GLRA2: variants seen among roughly 807,000 people sequenced by gnomAD.
GLRA2 encodes glycine receptor subunit alpha-2.
In GLRA2, 11 loss-of-function variants were observed where a neutral mutation model predicts 31.6. The ratio of observed to expected loss-of-function variants is 0.35; its 90% CI spans 0.22 to 0.58. The LOEUF is 0.58. Ranked by LOEUF, GLRA2 falls within the 20% of genes least tolerant of loss-of-function variation. GLRA2 has a pLI of 0.84. For synonymous variants in GLRA2, 132 were observed against 134.0 expected (o/e 0.99, Z 0.10); for missense variants, 212 against 351.8 (o/e 0.60, Z 3.18).
At chrX:14,457,308 G>A in the GLRA2 span, among the ~76,000 whole-genome samples, 19 of 111,137 alleles carry the variant, frequency 1.7e-4, no homozygotes, top group Middle Eastern at 4.7e-3. Context: ...CCATCAACCC[G>A]TCACCTACGT....
rs201930171 is a variant in GLRA2 at position 14,690,789 on chromosome X, C to T, written c.1010C>T (p.Ala337Val). Reference protein sequence around the residue: ...FVFAALLEYAAVNFVSRQHKE... With the variant: ...FVFAALLEYAVVNFVSRQHKE... ...TTTGCTGCCTTACTGGAATACGCAGCGGTGAACTTCGTCTCCAGGCAACAC... is the reference window on the plus strand; with the variant it reads ...TTTGCTGCCTTACTGGAATACGCAGTGGTGAACTTCGTCTCCAGGCAACAC... Residue 337 changes from alanine to valine, a missense_variant, in exon 8 of 9, where the codon GCG becomes GTG. Ala to Val is a moderately conservative substitution (Grantham distance 64). Transcript: ENST00000218075. 55 of 1,197,991 alleles carry T rather than the reference C, an allele frequency of 4.6e-5. No individual in the cohort carries two copies. The highest frequency in any genetic ancestry group is 3.0e-4 in the East Asian group (10 of 33,710).
chrX:14,450,351 A>G, the GLRA2 span, among the ~76,000 whole-genome samples: 2 of 111,699 alleles, frequency 1.8e-5, no homozygotes, highest in Non-Finnish European at 3.8e-5. Flanking sequence ...CCTTCAGCTC[A>G]GACTTCCCCT....
intron 7 of GLRA2, among the ~76,000 whole-genome samples, chrX:14,621,973 C>T (rs768532223): frequency 8.9e-6 from 1 of 112,118 alleles, no homozygotes; most frequent in African/African-American, 3.2e-5. Flanking sequence ...TTTACAGTCC[C>T]AACAACAGTG....
chrX:14,455,251 T>G, the GLRA2 span, among the ~76,000 whole-genome samples: 7 of 111,912 alleles, frequency 6.3e-5, no homozygotes, highest in East Asian at 2.0e-3. Context: ...AGTTTAGGTT[T>G]TTCAACTCTC....
chrX:14,681,941 G>GTATA (rs2091215849), intron 7 of GLRA2, among the ~76,000 whole-genome samples: 1 of 70,868 alleles, frequency 1.4e-5, no homozygotes, highest in African/African-American at 5.0e-5. Context: ...GTATATATAT[G>GTATA]TGTGTGTGTC....
intron 7 of GLRA2, among the ~76,000 whole-genome samples, chrX:14,685,749 A>C (rs920869156): frequency 1.1e-4 from 12 of 111,209 alleles, no homozygotes; most frequent in African/African-American, 3.6e-4. Context: ...TTTGTTGATC[A>C]TTTCAAAAAA....
intron 8 of GLRA2, among the ~76,000 whole-genome samples, chrX:14,691,293 G>A (rs1237369129): frequency 1.9e-5 from 2 of 103,163 alleles, no homozygotes; most frequent in East Asian, 6.0e-4. Context: ...GTGTGTGTGT[G>A]TGTGTGTGTG....
At chrX:14,697,159 A>C (rs2091460618) in intron 8 of GLRA2, among the ~76,000 whole-genome samples, 1 of 111,692 alleles carries the variant, frequency 9.0e-6, no homozygotes, top group Non-Finnish European at 1.9e-5. Flanking sequence ...ACTCTTCTAG[A>C]TACTTTACAT....
chrX:14,628,489 C>T (rs148554759), intron 7 of GLRA2, among the ~76,000 whole-genome samples: 11 of 111,590 alleles, frequency 9.9e-5, no homozygotes, highest in Non-Finnish European at 1.7e-4. Context: ...GCTCACATCC[C>T]ACTGTAGAGA....
the GLRA2 span, among the ~76,000 whole-genome samples, chrX:14,460,605 G>A: frequency 9.1e-3 from 1,023 of 111,810 alleles, 4 homozygotes; most frequent in South Asian, 0.021. Flanking sequence ...ATGTGCCCAG[G>A]AATTTATCCA....
At chrX:14,473,458 A>G in the GLRA2 span, among the ~76,000 whole-genome samples, 1 of 112,219 alleles carries the variant, frequency 8.9e-6, no homozygotes, top group African/African-American at 3.2e-5. Flanking sequence ...ACATATATTC[A>G]TGCACATGAA....
chrX:14,450,424 G>A, the GLRA2 span, among the ~76,000 whole-genome samples: 118 of 111,600 alleles, frequency 1.1e-3, no homozygotes, highest in African/African-American at 3.6e-3. Flanking sequence ...CAGGTGTGGC[G>A]CCAGTAATTG....
At chrX:14,594,570 CTTCTA>C (rs1246737821) in intron 4 of GLRA2, among the ~76,000 whole-genome samples, 1 of 111,725 alleles carries the variant, frequency 9.0e-6, no homozygotes, top group Admixed American at 9.6e-5. Flanking sequence ...ATTTATCCCT[CTTCTA>C]TTCAACACCT....
intron 2 of GLRA2, among the ~76,000 whole-genome samples, chrX:14,548,095 A>G (rs1411280733): frequency 7.1e-5 from 8 of 112,012 alleles, no homozygotes; most frequent in Non-Finnish European, 1.1e-4. Context: ...AAGTCCCTCC[A>G]TATGTATCAT....
chrX:14,487,411 AAAAAG>A, the GLRA2 span, among the ~76,000 whole-genome samples: 2 of 107,525 alleles, frequency 1.9e-5, no homozygotes, highest in Non-Finnish European at 3.8e-5. Flanking sequence ...AAAAAAAAAA[AAAAAG>A]GTTTCCAAAA....
At chrX:14,647,323 A>G (rs1220714483) in intron 7 of GLRA2, among the ~76,000 whole-genome samples, 2 of 112,434 alleles carry the variant, frequency 1.8e-5, no homozygotes, top group Non-Finnish European at 3.8e-5. Context: ...AACATGTTAA[A>G]TTTACAAATG....
At chrX:14,518,838 G>A in the GLRA2 span, among the ~76,000 whole-genome samples, 60 of 102,166 alleles carry the variant, frequency 5.9e-4, no homozygotes, top group South Asian at 1.9e-3. Flanking sequence ...GTGAAACCCC[G>A]TCTCTACTGA....
At chrX:14,459,865 C>T in the GLRA2 span, among the ~76,000 whole-genome samples, 1 of 111,941 alleles carries the variant, frequency 8.9e-6, no homozygotes, top group Non-Finnish European at 1.9e-5. Flanking sequence ...CCCTTTATTG[C>T]TTTCTCTTGC....
At chrX:14,472,039 C>G in the GLRA2 span, among the ~76,000 whole-genome samples, 57 of 111,872 alleles carry the variant, frequency 5.1e-4, no homozygotes, top group Middle Eastern at 4.7e-3. Flanking sequence ...TAGAAGCCAA[C>G]GAATACATCC....
Sources: allele counts gnomAD v4.1 joint callset (sites outside exome capture counted in the v4.1 genomes callset), GRCh38; gene constraint gnomAD v4.1.1; transcripts MANE v1.5; gene names NCBI Gene and HGNC (gene_info 2026-07-23, HGNC 2026-07-21).